LIN9: variants seen among roughly 807,000 people sequenced by gnomAD.
LIN9 encodes protein lin-9 homolog.
In LIN9, 18 loss-of-function variants were observed where a neutral mutation model predicts 78.0. That is an observed-to-expected ratio of 0.23 (90% CI 0.16 to 0.34). LIN9 has a LOEUF of 0.34. Ranked by LOEUF, LIN9 falls within the 10% of genes least tolerant of loss-of-function variation. The pLI is 1.00. For missense variants in LIN9, 451 were observed against 644.1 expected (o/e 0.70, Z 3.25); for synonymous variants, 192 against 215.2 (o/e 0.89, Z 0.94).
At chr1:226,294,387 C>T (rs1558202740) in intron 4 of LIN9, among the ~76,000 whole-genome samples, 1 of 151,964 alleles carries the variant, frequency 6.6e-6, no homozygotes, top group Admixed American at 6.6e-5. Flanking sequence ...TCAAGATCGG[C>T]CTGACTAACA....
Position 226,231,894 on chromosome 1 carries a change from TTTA to T in LIN9, c.*604_*606del, listed in dbSNP as rs1258508662. 6.0e-6 allele frequency: 2 copies of T among 334,292 alleles called. No homozygotes were observed. The highest frequency in any genetic ancestry group is 1.1e-5 in the Non-Finnish European group (2 of 188,430). 20.7% of individuals were successfully genotyped at this position (334,292 alleles called of 1,614,324 possible). On this transcript the variant is annotated 3_prime_UTR_variant, in exon 15 of 15. Coordinates refer to ENST00000681046, the MANE Select transcript of LIN9 (RefSeq NM_001366245.2). Reference sequence around the variant, plus strand: ...TTATATGTTATGATAAATTAAAATATTTATTATTATAAAATGATCTACAGAACC... The same window carrying T: ...TTATATGTTATGATAAATTAAAATATTTATTATAAAATGATCTACAGAACC...
chr1:226,235,275 T>C (rs988749684), intron 12 of LIN9, among the ~76,000 whole-genome samples: 4 of 139,728 alleles, frequency 2.9e-5, no homozygotes, highest in South Asian at 2.3e-4. Context: ...TGAACCGAGA[T>C]TGCGCCCCTG....
intron 1 of LIN9, among the ~76,000 whole-genome samples, chr1:226,305,399 C>T (rs553156215): frequency 2.2e-4 from 32 of 146,456 alleles, no homozygotes; most frequent in African/African-American, 3.0e-4. Flanking sequence ...AGACTGATGC[C>T]GGAGGATCTC....
At chr1:226,275,253 A>AT (rs1660569728) in intron 7 of LIN9, among the ~76,000 whole-genome samples, 2 of 151,980 alleles carry the variant, frequency 1.3e-5, no homozygotes, top group Non-Finnish European at 1.5e-5. Context: ...TATTCTTTTG[A>AT]TTTTTTTCAA....
intron 11 of LIN9, among the ~76,000 whole-genome samples, chr1:226,247,490 T>C (rs981924905): frequency 6.6e-6 from 1 of 152,110 alleles, no homozygotes; most frequent in African/African-American, 2.4e-5. Context: ...GTCTCTGGAC[T>C]CTAATTTTGG....
In LIN9 at chr1:226,239,522, G is replaced by A. The variant is rs530092320; in HGVS notation, c.1120-426C>T. Reference sequence around the variant, plus strand: ...CAGTATAGCATAATGGTTTAAGAGCGTGGGTATTAGAATCAGATTATATAT... The same window carrying A: ...CAGTATAGCATAATGGTTTAAGAGCATGGGTATTAGAATCAGATTATATAT... On this transcript the variant is annotated intron_variant, in intron 11 of 14. Coordinates refer to ENST00000681046, the MANE Select transcript of LIN9 (RefSeq NM_001366245.2). 4.6e-5 allele frequency among the ~76,000 whole-genome samples: 7 copies of A among 152,278 alleles called. No individual in the cohort carries two copies. The South Asian group carries it at 8.3e-4, about 18-fold the overall frequency.
chr1:226,287,540 G>C, intron 5 of LIN9, 124 bp downstream of exon 5: 1 of 632,700 alleles, frequency 1.6e-6, no homozygotes, highest in Non-Finnish European at 2.6e-6. Context: ...ATGTGGAACA[G>C]AAAAATGAAT....
At chr1:226,309,452 G>T, upstream of LIN9, 1 of 1,092,298 alleles carries the variant, frequency 9.2e-7, no homozygotes. Flanking sequence ...CAGCTCCGGA[G>T]TCCCGCCCGG....
chr1:226,261,782 T>C (rs1228373167), intron 10 of LIN9, among the ~76,000 whole-genome samples: 2 of 152,200 alleles, frequency 1.3e-5, no homozygotes, highest in Admixed American at 6.5e-5. Context: ...CTAAAGTCTA[T>C]ATTGAAAGGC....
chr1:226,304,246 T>G (rs1662755838), intron 1 of LIN9, among the ~76,000 whole-genome samples: 1 of 152,364 alleles, frequency 6.6e-6, no homozygotes, highest in East Asian at 1.9e-4. Context: ...GAGGTGTTCA[T>G]TAATCCAAAG....
rs1659296419 is a variant in LIN9 at position 226,257,797 on chromosome 1, C to G, written c.1039-6878G>C. Among the ~76,000 whole-genome samples, 4 of 151,962 alleles carry G rather than the reference C, an allele frequency of 2.6e-5. No individual in the cohort carries two copies. In the South Asian group the frequency reaches 8.3e-4, roughly 32 times the overall value. ...GCAACAAATAGAACATAGTAATAAA[C>G]ACGGTAGATATTTATTACTATATGA... On this transcript the variant is annotated intron_variant, in intron 10 of 14. Transcript: ENST00000681046.
intron 10 of LIN9, 72 bp from the exon 11 acceptor site, chr1:226,250,991 A>T (rs1652030101): frequency 1.4e-6 from 1 of 722,538 alleles, no homozygotes; most frequent in African/African-American, 1.8e-5. Context: ...TTAAATTTCC[A>T]ATATTTTAGT....
intron 6 of LIN9, among the ~76,000 whole-genome samples, chr1:226,280,008 G>A (rs1660940366): frequency 6.6e-6 from 1 of 152,066 alleles, no homozygotes; most frequent in South Asian, 2.1e-4. Flanking sequence ...TATTTTCTCT[G>A]TGACCCAGTA....
rs1282446912 is a variant in LIN9, at chr1:226,232,086, T to G, written c.*415A>C. The G allele has an allele frequency of 2.5e-6, 1 of 398,668 alleles. No homozygotes were observed. The highest frequency in any genetic ancestry group is 4.4e-6 in the Non-Finnish European group (1 of 226,080). 24.7% of individuals were successfully genotyped at this position (398,668 alleles called of 1,614,324 possible). A position where few individuals can be genotyped will look rare whatever the true frequency, so the allele number is the denominator to read the frequency against. Reference sequence around the variant, plus strand: ...TCAAGTGGAGTTGTAATTTTCTGGATGGAATTTCCACACTGCCACCGACAT... The same window carrying G: ...TCAAGTGGAGTTGTAATTTTCTGGAGGGAATTTCCACACTGCCACCGACAT... On this transcript the variant is annotated 3_prime_UTR_variant, in exon 15 of 15. Transcript: ENST00000681046.
chr1:226,262,628 AC>A (rs1350190216), intron 10 of LIN9, among the ~76,000 whole-genome samples: 2 of 152,242 alleles, frequency 1.3e-5, no homozygotes, highest in African/African-American at 4.8e-5. Flanking sequence ...CAGAACACTG[AC>A]AACACCAAAT....
At chr1:226,287,580 A>T in intron 5 of LIN9, 84 bp downstream of exon 5, 1 of 875,016 alleles carries the variant, frequency 1.1e-6, no homozygotes, top group East Asian at 2.9e-5. Flanking sequence ...AAGTAGACCT[A>T]TAGAAAATGT....
At chr1:226,245,079 G>A (rs1658382207) in intron 11 of LIN9, among the ~76,000 whole-genome samples, 1 of 152,206 alleles carries the variant, frequency 6.6e-6, no homozygotes, top group Admixed American at 6.5e-5. Context: ...GTAGAGGCCA[G>A]AGGGAACTCC....
intron 5 of LIN9, among the ~76,000 whole-genome samples, chr1:226,287,454 C>T (rs1661443724): frequency 6.6e-6 from 1 of 152,014 alleles, no homozygotes; most frequent in Admixed American, 6.6e-5. Context: ...CAATTCTTCA[C>T]AAAAATGTAC....
intron 12 of LIN9, among the ~76,000 whole-genome samples, chr1:226,234,681 C>T (rs559831181): frequency 3.0e-4 from 46 of 152,020 alleles, no homozygotes; most frequent in Admixed American, 1.2e-3. Context: ...AGATCTGGGT[C>T]TAGTGTGTTC....
Sources: allele counts gnomAD v4.1 joint callset (sites outside exome capture counted in the v4.1 genomes callset), GRCh38; gene constraint gnomAD v4.1.1; transcripts MANE v1.5; gene names NCBI Gene and HGNC (gene_info 2026-07-23, HGNC 2026-07-21).